Variants in PALM2AKAP2 observed in about 807,000 individuals in gnomAD.
PALM2AKAP2 encodes the protein PALM2 and AKAP2 fusion.
In PALM2AKAP2, 37 loss-of-function variants were observed where a neutral mutation model predicts 71.5. That is an observed-to-expected ratio of 0.52 (90% CI 0.40 to 0.68). PALM2AKAP2 has a LOEUF of 0.68. Among genes scored for constraint, PALM2AKAP2 ranks in the 30% least tolerant of loss-of-function variants. The pLI, the probability that PALM2AKAP2 is intolerant of heterozygous loss-of-function variation, is 0.00. For missense variants in PALM2AKAP2, 1,224 were observed against 1,191.8 expected (o/e 1.03, Z -0.40); for synonymous variants, 468 against 478.8 (o/e 0.98, Z 0.29).
chr9:109,662,491 C>A (rs1564104942), intron 1 of PALM2AKAP2, among the ~76,000 whole-genome samples: 1 of 152,174 alleles, frequency 6.6e-6, no homozygotes, highest in African/African-American at 2.4e-5. Flanking sequence ...GTATATTGAA[C>A]CAGCTTTGCA....
In PALM2AKAP2 at chr9:109,687,551, C is replaced by T. The variant is rs79583259; in HGVS notation, c.5+46685C>T. 1.3e-3 allele frequency among the ~76,000 whole-genome samples: 200 copies of T among 152,330 alleles called. 4 individuals are homozygous for T. The East Asian group carries it at 0.014, about 11-fold the overall frequency. On this transcript the variant is annotated intron_variant, in intron 1 of 6. Transcript: ENST00000374531. ...TTTCCTGCAGCTTCCTCACCTTTCTCGGCCTTCATAGAATTGAAGACAGTT... is the reference window on the plus strand; with the variant it reads ...TTTCCTGCAGCTTCCTCACCTTTCTTGGCCTTCATAGAATTGAAGACAGTT...
intron 1 of PALM2AKAP2, among the ~76,000 whole-genome samples, chr9:109,649,888 C>T (rs1344714239): frequency 6.6e-6 from 1 of 152,154 alleles, no homozygotes; most frequent in African/African-American, 2.4e-5. Flanking sequence ...ATCACATATC[C>T]CAGCTTACTG....
At chr9:110,030,465 T>C (rs1449258600) in intron 7 of PALM2AKAP2, among the ~76,000 whole-genome samples, 1 of 152,140 alleles carries the variant, frequency 6.6e-6, no homozygotes, top group Non-Finnish European at 1.5e-5. Flanking sequence ...ATCCTGTGCG[T>C]AGGGGAGAGA....
At chr9:110,066,870 GT>G (rs1834091425) in intron 1 of PALM2AKAP2, among the ~76,000 whole-genome samples, 1 of 152,040 alleles carries the variant, frequency 6.6e-6, no homozygotes, top group South Asian at 2.1e-4. Flanking sequence ...GTTTGCTGCA[GT>G]TTTTGCAGGT....
intron 7 of PALM2AKAP2, among the ~76,000 whole-genome samples, chr9:110,021,520 T>C (rs1833073644): frequency 6.6e-6 from 1 of 152,220 alleles, no homozygotes; most frequent in African/African-American, 2.4e-5. Flanking sequence ...GCAAATGCCA[T>C]AGAGGCTGAT....
At chr9:109,889,822 A>G (rs537251469) in intron 3 of PALM2AKAP2, among the ~76,000 whole-genome samples, 1 of 152,346 alleles carries the variant, frequency 6.6e-6, no homozygotes, top group South Asian at 2.1e-4. Context: ...TGAAAATAGT[A>G]GTTGAATTTC....
At chr9:109,790,187 T>C (rs1827077464) in intron 1 of PALM2AKAP2, among the ~76,000 whole-genome samples, 1 of 152,164 alleles carries the variant, frequency 6.6e-6, no homozygotes, top group Non-Finnish European at 1.5e-5. Flanking sequence ...TCATTTCCCT[T>C]GTGGAAGCCT....
intron 1 of PALM2AKAP2, among the ~76,000 whole-genome samples, chr9:109,782,523 C>T (rs367911843): frequency 5.9e-5 from 9 of 152,060 alleles, no homozygotes; most frequent in East Asian, 1.9e-4. Flanking sequence ...CAACTGTTTA[C>T]GTCGCATTTA....
At chr9:109,986,955 CAGTA>C (rs563165506) in intron 6 of PALM2AKAP2, among the ~76,000 whole-genome samples, 1 of 152,246 alleles carries the variant, frequency 6.6e-6, no homozygotes, top group South Asian at 2.1e-4. Flanking sequence ...TCAGAAATTT[CAGTA>C]AGTGTTTCAA....
At chr9:110,139,465 A>G (rs1488051508) in intron 2 of PALM2AKAP2, among the ~76,000 whole-genome samples, 1 of 152,186 alleles carries the variant, frequency 6.6e-6, no homozygotes, top group Non-Finnish European at 1.5e-5. Context: ...GAAAACTCCT[A>G]TTGCAATGTG....
chr9:110,057,054 C>G (rs151313522), intron 1 of PALM2AKAP2, among the ~76,000 whole-genome samples: 1 of 152,060 alleles, frequency 6.6e-6, no homozygotes, highest in African/African-American at 2.4e-5. Context: ...CTTGTCCTTG[C>G]GGTTCCCAGG....
chr9:109,679,663 G>T (rs1315377300), intron 1 of PALM2AKAP2, among the ~76,000 whole-genome samples: 4 of 152,244 alleles, frequency 2.6e-5, no homozygotes, highest in South Asian at 4.1e-4. Context: ...AAGTCATCTG[G>T]CTTAGTCTAG....
chr9:109,715,349 A>T lies in PALM2AKAP2; in HGVS notation c.6-65139A>T, dbSNP rs187668452. 3.3e-5 allele frequency among the ~76,000 whole-genome samples: 5 copies of T among 152,320 alleles called. No individual in the cohort carries two copies. The South Asian group carries it at 1.0e-3, about 32-fold the overall frequency. ...GTCCGTGGCACCTGGGAGGCATGAAATACAAGTGACTTGACATTGAATTAT... is the reference window on the plus strand; with the variant it reads ...GTCCGTGGCACCTGGGAGGCATGAATTACAAGTGACTTGACATTGAATTAT... On this transcript the variant is annotated intron_variant, in intron 1 of 6. Coordinates refer to the PALM2AKAP2 transcript ENST00000374531.
At chr9:110,160,921 G>A (rs990164821) in intron 3 of PALM2AKAP2, among the ~76,000 whole-genome samples, 25 of 152,110 alleles carry the variant, frequency 1.6e-4, no homozygotes, top group African/African-American at 4.3e-4. Context: ...AGAAGACCTC[G>A]TCGGTTTTCC....
intron 3 of PALM2AKAP2, among the ~76,000 whole-genome samples, chr9:109,922,004 A>G (rs549542669): frequency 8.9e-4 from 135 of 152,298 alleles, no homozygotes; most frequent in Middle Eastern, 3.4e-3. Context: ...TGAGGGGCAC[A>G]GTATGTCGCT....
At chr9:109,711,873 G>A (rs1174711389) in intron 1 of PALM2AKAP2, among the ~76,000 whole-genome samples, 1 of 152,156 alleles carries the variant, frequency 6.6e-6, no homozygotes, top group Non-Finnish European at 1.5e-5. Flanking sequence ...TTCAGAGCAG[G>A]AGACAGCAAA....
At chr9:109,847,420 T>C (rs1029372947) in intron 1 of PALM2AKAP2, among the ~76,000 whole-genome samples, 1 of 152,164 alleles carries the variant, frequency 6.6e-6, no homozygotes, top group Non-Finnish European at 1.5e-5. Flanking sequence ...TTTGGACTTC[T>C]GGCCTCCAGA....
intron 2 of PALM2AKAP2, among the ~76,000 whole-genome samples, chr9:110,149,858 A>G (rs1309543339): frequency 2.0e-5 from 3 of 152,254 alleles, no homozygotes; most frequent in African/African-American, 4.8e-5. Context: ...TTCATCTGCT[A>G]TGGATGACTA....
At chr9:109,845,880 A>G (rs1022513391) in intron 1 of PALM2AKAP2, among the ~76,000 whole-genome samples, 6 of 152,206 alleles carry the variant, frequency 3.9e-5, no homozygotes, top group Non-Finnish European at 7.3e-5. Context: ...AGTGTCTACC[A>G]TGCACCAGAT....
Sources: gnomAD v4.1 joint callset for allele counts (sites outside exome capture counted in the v4.1 genomes callset) on GRCh38, gnomAD v4.1.1 for gene constraint, MANE v1.5 for transcripts, NCBI Gene and HGNC (gene_info 2026-07-23, HGNC 2026-07-21) for gene names.